Variants in PDE1A observed in about 807,000 individuals in gnomAD.
PDE1A encodes phosphodiesterase 1A.
A neutral mutation model predicts 61.7 loss-of-function variants in PDE1A; 35 were observed. That is an observed-to-expected ratio of 0.57 (90% CI 0.43 to 0.75). The LOEUF is 0.75. PDE1A is among the 30% of genes least tolerant of loss of function. PDE1A has a pLI of 0.00. For synonymous variants in PDE1A, 232 were observed against 213.2 expected, an observed-to-expected ratio of 1.09 and a Z score of -0.77; for missense variants, 597 against 630.6, an observed-to-expected ratio of 0.95 and a Z score of 0.57.
chr2:182,483,385 C>T (rs909606284), intron 2 of PDE1A, among the ~76,000 whole-genome samples: 1 of 151,852 alleles, frequency 6.6e-6, no homozygotes, highest in African/African-American at 2.4e-5. Flanking sequence ...TTTTCAAATG[C>T]ACACACAATA....
the PDE1A span, among the ~76,000 whole-genome samples, chr2:182,694,524 A>G: frequency 4.6e-5 from 7 of 152,222 alleles, no homozygotes; most frequent in African/African-American, 1.7e-4. Context: ...GTCAGGTTTG[A>G]AACACCCAGA....
chr2:182,166,767 G>A (rs1251005869), downstream of PDE1A, among the ~76,000 whole-genome samples: 2 of 152,164 alleles, frequency 1.3e-5, no homozygotes, highest in East Asian at 3.9e-4. Flanking sequence ...CACCTCCTGT[G>A]TGAAGGCAAG....
chr2:182,211,177 C>G (rs936984086), intron 7 of PDE1A, among the ~76,000 whole-genome samples: 1 of 152,226 alleles, frequency 6.6e-6, no homozygotes, highest in Non-Finnish European at 1.5e-5. Context: ...CTGGGAAACA[C>G]ATTCAAACCA....
chr2:182,219,250 G>A (rs184063424), intron 7 of PDE1A, among the ~76,000 whole-genome samples: 1 of 151,932 alleles, frequency 6.6e-6, no homozygotes, highest in Non-Finnish European at 1.5e-5. Context: ...ATACATCAAG[G>A]GAAGGCTTTT....
chr2:182,217,884 G>A (rs1313600245), intron 7 of PDE1A, among the ~76,000 whole-genome samples: 4 of 151,908 alleles, frequency 2.6e-5, no homozygotes, highest in East Asian at 1.9e-4. Flanking sequence ...ATCTAGAACT[G>A]GAAATACCAT....
At chr2:182,307,812 T>C (rs1164728995) in intron 1 of PDE1A, among the ~76,000 whole-genome samples, 2 of 152,092 alleles carry the variant, frequency 1.3e-5, no homozygotes, top group East Asian at 3.9e-4. Flanking sequence ...GCTATGATTA[T>C]GCCACTGAAC....
the PDE1A span, among the ~76,000 whole-genome samples, chr2:182,653,838 C>T: frequency 6.6e-6 from 1 of 152,146 alleles, no homozygotes; most frequent in South Asian, 2.1e-4. Context: ...AACTCTGAAA[C>T]TTTATAGGGT....
chr2:182,574,137 C>A, the PDE1A span, among the ~76,000 whole-genome samples: 2 of 151,796 alleles, frequency 1.3e-5, no homozygotes, highest in East Asian at 3.9e-4. Context: ...AAGCATCCAG[C>A]ACGGGAGAAA....
intron 1 of PDE1A, among the ~76,000 whole-genome samples, chr2:182,266,943 A>G (rs1403881884): frequency 1.3e-5 from 2 of 152,172 alleles, no homozygotes; most frequent in Non-Finnish European, 2.9e-5. Context: ...GAACAACAAA[A>G]ATTGCATTTA....
chr2:182,312,832 A>T (rs1696077291), intron 1 of PDE1A, among the ~76,000 whole-genome samples: 1 of 61,358 alleles, frequency 1.6e-5, no homozygotes, highest in Admixed American at 2.4e-4. Flanking sequence ...ATGTTTTACC[A>T]AAAAAAAAAA....
At chr2:182,552,414 G>A in the PDE1A span, among the ~76,000 whole-genome samples, 51,650 of 142,482 alleles carry the variant, frequency 0.36, 10,394 homozygotes, top group East Asian at 0.57. Flanking sequence ...GTAGGCAATT[G>A]TTTGTAAAAC....
intron 1 of PDE1A, among the ~76,000 whole-genome samples, chr2:182,423,023 G>A (rs1004133721): frequency 6.6e-6 from 1 of 152,196 alleles, no homozygotes; most frequent in Non-Finnish European, 1.5e-5. Flanking sequence ...GGAAGAGCCT[G>A]TGCAGGCAGA....
At chr2:182,172,484 T>C (rs542898553) in intron 13 of PDE1A, among the ~76,000 whole-genome samples, 1 of 152,042 alleles carries the variant, frequency 6.6e-6, no homozygotes. Context: ...GTGGTTCTCA[T>C]TGCATAGAGA....
chr2:182,342,538 A>C (rs1698258154), intron 1 of PDE1A, among the ~76,000 whole-genome samples: 1 of 152,068 alleles, frequency 6.6e-6, no homozygotes, highest in Non-Finnish European at 1.5e-5. Context: ...AAAAAATTAG[A>C]CTGGCGTGGT....
chr2:182,560,078 T>TTA, the PDE1A span, among the ~76,000 whole-genome samples: 2 of 150,970 alleles, frequency 1.3e-5, no homozygotes, highest in Admixed American at 6.6e-5. Flanking sequence ...TTTTTTTTTT[T>TTA]ATACTTTAAG....
At chr2:182,662,341 G>GAA in the PDE1A span, among the ~76,000 whole-genome samples, 1,650 of 137,892 alleles carry the variant, frequency 0.012, 38 homozygotes, top group African/African-American at 0.04. Flanking sequence ...AAAAAAAAAA[G>GAA]AAAAAAAAAA....
chr2:182,240,893 GA>G (rs376970495), intron 2 of PDE1A, among the ~76,000 whole-genome samples: 19 of 147,288 alleles, frequency 1.3e-4, no homozygotes, highest in East Asian at 4.0e-4. Context: ...TTTTAAAAGT[GA>G]AAAAAAAAAT....
At chr2:182,267,737 T>C (rs1307620993) in intron 1 of PDE1A, among the ~76,000 whole-genome samples, 1 of 152,108 alleles carries the variant, frequency 6.6e-6, no homozygotes, top group East Asian at 1.9e-4. Flanking sequence ...TCAAATTATA[T>C]ATACAACAAT....
At chr2:182,156,968 T>C (rs993105933) in intron 13 of PDE1A, among the ~76,000 whole-genome samples, 1 of 150,920 alleles carries the variant, frequency 6.6e-6, no homozygotes, top group African/African-American at 2.4e-5. Context: ...TTTTGTTTCG[T>C]TGAATTTTTT....
Sources: gnomAD v4.1 joint callset for allele counts (sites outside exome capture counted in the v4.1 genomes callset) on GRCh38, gnomAD v4.1.1 for gene constraint, MANE v1.5 for transcripts, NCBI Gene and HGNC (gene_info 2026-07-23, HGNC 2026-07-21) for gene names.